Variants in NCAM2 observed in about 807,000 individuals in gnomAD.
The protein encoded by NCAM2 is N-CAM-2.
Under a neutral mutation model 98.1 loss-of-function variants are expected in NCAM2, and 30 were observed. That is an observed-to-expected ratio of 0.31 (90% CI 0.23 to 0.41). The LOEUF is 0.41. Among genes scored for constraint, NCAM2 ranks in the 10% least tolerant of loss-of-function variants. The pLI, the probability that NCAM2 is intolerant of heterozygous loss-of-function variation, is 1.00. For synonymous variants in NCAM2, 368 were observed against 342.4 expected, an observed-to-expected ratio of 1.07 and a Z score of -0.83; for missense variants, 867 against 1,005.8, an observed-to-expected ratio of 0.86 and a Z score of 1.87.
intron 5 of NCAM2, among the ~76,000 whole-genome samples, chr21:21,305,841 T>A (rs2073863253): frequency 6.6e-6 from 1 of 152,180 alleles, no homozygotes; most frequent in Non-Finnish European, 1.5e-5. Context: ...CTGATAATAC[T>A]GATTTGAAAT....
chr21:21,240,690 C>A (rs1169672598), intron 1 of NCAM2, among the ~76,000 whole-genome samples: 1 of 152,124 alleles, frequency 6.6e-6, no homozygotes, highest in Non-Finnish European at 1.5e-5. Context: ...TCATATTTTT[C>A]TCACATCAAC....
At chr21:21,247,650 TTAGA>T (rs1207771252) in intron 1 of NCAM2, among the ~76,000 whole-genome samples, 3 of 152,180 alleles carry the variant, frequency 2.0e-5, no homozygotes, top group Admixed American at 1.3e-4. Context: ...AGTGTTTGCT[TTAGA>T]TAGAGTCATA....
intron 1 of NCAM2, among the ~76,000 whole-genome samples, chr21:21,047,918 A>T (rs2065032110): frequency 6.6e-6 from 1 of 152,190 alleles, no homozygotes; most frequent in African/African-American, 2.4e-5. Context: ...TCATAACTTA[A>T]TTTCCAATCT....
At chr21:21,365,248 T>C (rs1203067900) in intron 8 of NCAM2, among the ~76,000 whole-genome samples, 3 of 148,070 alleles carry the variant, frequency 2.0e-5, no homozygotes, top group Non-Finnish European at 4.5e-5. Context: ...CGTGTGTGTG[T>C]GTGTGTGTGT....
intron 1 of NCAM2, among the ~76,000 whole-genome samples, chr21:21,220,491 G>T (rs186812877): frequency 6.6e-6 from 1 of 152,062 alleles, no homozygotes; most frequent in Non-Finnish European, 1.5e-5. Context: ...CTAGGTCTGT[G>T]TAAGCAAATT....
intron 12 of NCAM2, among the ~76,000 whole-genome samples, chr21:21,436,932 T>G (rs2146056927): frequency 6.6e-6 from 1 of 151,960 alleles, no homozygotes; most frequent in South Asian, 2.1e-4. Flanking sequence ...TGGCTAATTT[T>G]TTTTTTTATT....
chr21:21,171,067 G>A (rs540382748), intron 1 of NCAM2, among the ~76,000 whole-genome samples: 1 of 152,182 alleles, frequency 6.6e-6, no homozygotes, highest in African/African-American at 2.4e-5. Context: ...CAAGGGTGTG[G>A]TAATACATTT....
At chr21:21,176,896 A>T (rs1049395346) in intron 1 of NCAM2, among the ~76,000 whole-genome samples, 1 of 151,914 alleles carries the variant, frequency 6.6e-6, no homozygotes, top group Non-Finnish European at 1.5e-5. Context: ...AGGCAAAAAG[A>T]AAACAACAAA....
intron 1 of NCAM2, among the ~76,000 whole-genome samples, chr21:21,135,917 C>T (rs1251833346): frequency 6.7e-6 from 1 of 149,394 alleles, no homozygotes; most frequent in East Asian, 2.0e-4. Context: ...TCCACAGATC[C>T]TAAGTCAGTG....
At chr21:21,358,316 A>G (rs2075550199) in intron 8 of NCAM2, among the ~76,000 whole-genome samples, 1 of 152,082 alleles carries the variant, frequency 6.6e-6, no homozygotes, top group Non-Finnish European at 1.5e-5. Context: ...TCACTCCCTA[A>G]GATATAACTG....
At chr21:21,068,131 T>C (rs1248763203) in intron 1 of NCAM2, among the ~76,000 whole-genome samples, 2 of 130,542 alleles carry the variant, frequency 1.5e-5, no homozygotes, top group Non-Finnish European at 3.1e-5. Context: ...AATGACTTTT[T>C]TTTCTTTTTT....
At chr21:21,212,741 G>GC (rs1568776812) in intron 1 of NCAM2, among the ~76,000 whole-genome samples, 1 of 119,436 alleles carries the variant, frequency 8.4e-6, no homozygotes, top group Non-Finnish European at 1.7e-5. Flanking sequence ...AATTATCTGT[G>GC]CTTTTTTTTT....
chr21:21,192,715 A>G (rs1176700169), intron 1 of NCAM2, among the ~76,000 whole-genome samples: 2 of 152,206 alleles, frequency 1.3e-5, no homozygotes, highest in Non-Finnish European at 1.5e-5. Context: ...AGGTAAAAAA[A>G]ACAAAACAAA....
At chr21:21,235,483 C>T (rs1465187700) in intron 1 of NCAM2, among the ~76,000 whole-genome samples, 1 of 151,956 alleles carries the variant, frequency 6.6e-6, no homozygotes, top group Non-Finnish European at 1.5e-5. Context: ...TTTCTCAATT[C>T]ATTATATTTA....
At chr21:21,319,122 G>T (rs1346676913) in intron 5 of NCAM2, among the ~76,000 whole-genome samples, 1 of 151,064 alleles carries the variant, frequency 6.6e-6, no homozygotes, top group Admixed American at 6.6e-5. Context: ...GTATCAAAAA[G>T]AAAAACAAAC....
At chr21:21,435,232 G>A (rs943568136) in intron 12 of NCAM2, among the ~76,000 whole-genome samples, 10 of 152,134 alleles carry the variant, frequency 6.6e-5, no homozygotes, top group Non-Finnish European at 1.0e-4. Context: ...GCATTTCTTT[G>A]CAGCTGATCT....
chr21:21,443,005 G>A (rs117272448), intron 12 of NCAM2, among the ~76,000 whole-genome samples: 20,576 of 151,972 alleles, frequency 0.14, 1,404 homozygotes, highest in East Asian at 0.15. Flanking sequence ...TCTCTTGTGG[G>A]CATTTAGTGC....
chr21:21,327,991 A>G (rs1286682827), intron 6 of NCAM2, among the ~76,000 whole-genome samples: 1 of 152,184 alleles, frequency 6.6e-6, no homozygotes, highest in Non-Finnish European at 1.5e-5. Context: ...AGAATACAAT[A>G]TGGATTTTTA....
Position 21,213,447 on chromosome 21 carries a change from A to G in NCAM2, c.56-67131A>G, listed in dbSNP as rs530129184. On this transcript the variant is annotated intron_variant, in intron 1 of 17. Coordinates refer to ENST00000400546, the MANE Select transcript of NCAM2 (RefSeq NM_004540.5). ...TTATTTAATATATGATGTATAGCTC[A>G]TGATCTCTTACCAATGTACTAGGAA... Among the ~76,000 whole-genome samples, 64 of 152,358 alleles carry G rather than the reference A, an allele frequency of 4.2e-4. No homozygotes were observed. The South Asian group carries it at 0.013, about 32-fold the overall frequency.
Sources: gnomAD v4.1 joint callset for allele counts (sites outside exome capture counted in the v4.1 genomes callset) on GRCh38, gnomAD v4.1.1 for gene constraint, MANE v1.5 for transcripts, NCBI Gene and HGNC (gene_info 2026-07-23, HGNC 2026-07-21) for gene names.